RTN1: variants seen among roughly 807,000 people sequenced by gnomAD.
RTN1 encodes reticulon-1.
RTN1 carries 25 observed loss-of-function variants against 65.5 expected under a neutral mutation model. The observed-to-expected ratio is 0.38, with a 90% CI of 0.28 to 0.53. The LOEUF (loss-of-function observed/expected upper bound fraction) is 0.53. RTN1 is among the 20% of genes least tolerant of loss of function. The pLI is 0.79. For missense variants in RTN1, 983 were observed against 1,025.4 expected (o/e 0.96, Z 0.57); for synonymous variants, 471 against 447.6 (o/e 1.05, Z -0.66).
At chr14:59,673,446 G>A (rs984310905) in intron 3 of RTN1, among the ~76,000 whole-genome samples, 2 of 152,170 alleles carry the variant, frequency 1.3e-5, no homozygotes, top group Non-Finnish European at 2.9e-5. Flanking sequence ...ACAACCAAGA[G>A]GAATAACATC....
chr14:59,764,810 A>G (rs572328626), intron 1 of RTN1, among the ~76,000 whole-genome samples: 7 of 151,938 alleles, frequency 4.6e-5, no homozygotes, highest in African/African-American at 1.7e-4. Flanking sequence ...TTTGCTTTCT[A>G]CCCCCTACAC....
intron 3 of RTN1, among the ~76,000 whole-genome samples, chr14:59,608,160 A>T (rs1881826902): frequency 6.6e-6 from 1 of 152,224 alleles, no homozygotes; most frequent in Admixed American, 6.5e-5. Flanking sequence ...GGATATAAAA[A>T]AAAATAGCAT....
chr14:59,749,399 T>A (rs1594720551), intron 1 of RTN1, among the ~76,000 whole-genome samples: 1 of 70,754 alleles, frequency 1.4e-5, no homozygotes, highest in Admixed American at 2.3e-4. Flanking sequence ...TATATCTATA[T>A]ATATCTATAT....
chr14:59,688,536 C>G (rs1298752635), intron 3 of RTN1, among the ~76,000 whole-genome samples: 2 of 152,208 alleles, frequency 1.3e-5, no homozygotes, highest in Non-Finnish European at 2.9e-5. Context: ...CATAAACCAG[C>G]CCATTGCTTG....
chr14:59,723,521 A>T (rs573712605), intron 3 of RTN1, among the ~76,000 whole-genome samples: 1 of 151,974 alleles, frequency 6.6e-6, no homozygotes, highest in South Asian at 2.1e-4. Flanking sequence ...GGAGGCTGAG[A>T]CAGTAGAATG....
At chr14:59,660,138 AAAG>A (rs1443895849) in intron 3 of RTN1, among the ~76,000 whole-genome samples, 1 of 152,222 alleles carries the variant, frequency 6.6e-6, no homozygotes, top group African/African-American at 2.4e-5. Context: ...CAAAAGAGAC[AAAG>A]AAGGCCATTA....
chr14:59,672,660 G>T (rs1447290138), intron 3 of RTN1, among the ~76,000 whole-genome samples: 1 of 123,774 alleles, frequency 8.1e-6, no homozygotes, highest in Non-Finnish European at 1.6e-5. Flanking sequence ...TTGAGACGGA[G>T]TCTCGCTCTG....
rs1212484111 is a variant in RTN1, at chr14:59,749,102, C to CTATA, written c.242-2625_242-2622dup. Reference sequence around the variant, plus strand: ...CACGCCGGGGCATCTATATATATATCTATATATATATATATATATATAGAT... The same window carrying CTATA: ...CACGCCGGGGCATCTATATATATATCTATATATATATATATATATATATATAGAT... On this transcript the variant is annotated intron_variant, in intron 1 of 8. Coordinates refer to ENST00000267484, the MANE Select transcript of RTN1 (RefSeq NM_021136.3). Among the ~76,000 whole-genome samples, 181 of 74,150 alleles carry CTATA rather than the reference C, an allele frequency of 2.4e-3. 22 individuals are homozygous for CTATA. In the Middle Eastern group the frequency reaches 0.037, roughly 15 times the overall value. 48.6% of individuals were successfully genotyped at this position (74,150 alleles called of 152,430 possible). A position where few individuals can be genotyped will look rare whatever the true frequency, so the allele number is the denominator to read the frequency against.
intron 1 of RTN1, among the ~76,000 whole-genome samples, chr14:59,749,298 C>CTATATATATCTA (rs1594720096): frequency 3.7e-5 from 1 of 26,678 alleles, no homozygotes. Context: ...CTATATATAT[C>CTATATATATCTA]TATATATATC....
Position 59,602,148 on chromosome 14 carries a change from T to C in RTN1, c.2288+917A>G, listed in dbSNP as rs377090177. ...ACATATAATCTAAGAGCAGAGGAAC[T>C]TTAATGTGATTGGCCTTTCTTATTT... On this transcript the variant is annotated intron_variant, in intron 8 of 8. Coordinates refer to ENST00000267484, the MANE Select transcript of RTN1 (RefSeq NM_021136.3). 2.6e-5 allele frequency among the ~76,000 whole-genome samples: 4 copies of C among 152,310 alleles called. No individual in the cohort carries two copies. The East Asian group carries it at 5.8e-4, about 22-fold the overall frequency.
intron 1 of RTN1, among the ~76,000 whole-genome samples, chr14:59,850,489 T>C (rs1391663059): frequency 6.6e-6 from 1 of 152,218 alleles, no homozygotes; most frequent in Admixed American, 6.5e-5. Flanking sequence ...TTTTGCACCA[T>C]TGTAAAGTTA....
At position 59,836,647 on chromosome 14, in the gene RTN1, A is replaced by G. The variant is rs1381763811; in HGVS notation, c.241+33743T>C. Among the ~76,000 whole-genome samples the G allele has an allele frequency of 6.6e-6, 1 of 152,170 alleles. No individual in the cohort carries two copies. The highest frequency in any genetic ancestry group is 2.4e-5 in the African/African-American group (1 of 41,442). ...AATGCATTTTTGAGGACCAGCAAGG[A>G]ATCCAGAATGACAGGGCAAAGGGTG... On this transcript the variant is annotated intron_variant, in intron 1 of 8. Coordinates refer to ENST00000267484, the MANE Select transcript of RTN1 (RefSeq NM_021136.3). This position sits in a 1 kb window ranked among gnomAD's most constrained non-coding sequence, Gnocchi z 4.9.
rs985335607 is a variant in RTN1 at position 59,791,852 on chromosome 14, A to AT, written c.242-45372dup. On this transcript the variant is annotated intron_variant, in intron 1 of 8. Transcript: ENST00000267484. ...GTCAGTTTTATAAAGGTTAGCCTGG[A>AT]TTTTTTTTTGGTCCTCTGATGAGAC... Among the ~76,000 whole-genome samples, 30 of 151,532 alleles carry AT rather than the reference A, an allele frequency of 2.0e-4. 1 individual carries two copies. Among genetic ancestry groups the AT allele is most frequent in the Admixed American group, 8.5e-4 (13 of 15,212 alleles).
intron 1 of RTN1, among the ~76,000 whole-genome samples, chr14:59,756,505 C>G (rs1379473973): frequency 6.6e-6 from 1 of 152,128 alleles, no homozygotes; most frequent in Non-Finnish European, 1.5e-5. Flanking sequence ...ATTCACCCAA[C>G]TGATTTAAAT....
At chr14:59,799,007 A>T (rs1439916081) in intron 1 of RTN1, among the ~76,000 whole-genome samples, 1 of 152,178 alleles carries the variant, frequency 6.6e-6, no homozygotes, top group Non-Finnish European at 1.5e-5. Flanking sequence ...TCAAGCAATC[A>T]TGTCTGAATT....
chr14:59,688,681 T>C (rs1338461483), intron 3 of RTN1, among the ~76,000 whole-genome samples: 2 of 152,090 alleles, frequency 1.3e-5, no homozygotes. Context: ...TCAGCAGAAG[T>C]GCATAGGGCT....
chr14:59,689,009 G>A (rs1883902656), intron 3 of RTN1, among the ~76,000 whole-genome samples: 1 of 151,982 alleles, frequency 6.6e-6, no homozygotes, highest in Admixed American at 6.5e-5. Context: ...AGAATTAAAA[G>A]CATGGTTGCA....
rs779652873 is a variant in RTN1, at chr14:59,870,556, C to A, written c.75G>T (p.Arg25=). The stretch of plus-strand genomic sequence containing the variant: ...TCACCGCTTCGTTCTCCCCCTCCCC[C>A]CGGTGCCTGAGCCACTGGGACCCGG... ...AGPGSQWLRH[R]GEGENEAVTP... Residue 25 remains arginine (R), a synonymous_variant, in exon 1 of 9, where the codon CGG becomes CGT. Transcript: ENST00000267484. The surrounding 1 kb of genome is among the most constrained non-coding windows in gnomAD (Gnocchi z 5.1). 1.2e-5 allele frequency: 17 copies of A among 1,457,520 alleles called. No individual in the cohort carries two copies. The highest frequency in any genetic ancestry group is 1.4e-5 in the Non-Finnish European group (15 of 1,110,452). 90.3% of individuals were successfully genotyped at this position (1,457,520 alleles called of 1,614,324 possible).
intron 1 of RTN1, among the ~76,000 whole-genome samples, chr14:59,779,096 A>G (rs1310884976): frequency 2.0e-5 from 3 of 152,078 alleles, no homozygotes; most frequent in Non-Finnish European, 2.9e-5. Context: ...AGTAATAAGG[A>G]CCAGGACCAG....
Sources: allele counts gnomAD v4.1 joint callset (sites outside exome capture counted in the v4.1 genomes callset), GRCh38; gene constraint gnomAD v4.1.1; non-coding constraint Gnocchi (gnomAD v3.1); transcripts MANE v1.5; gene names NCBI Gene and HGNC (gene_info 2026-07-23, HGNC 2026-07-21).